The following LGSN variants were observed in gnomAD, a reference collection of about 807,000 sequenced individuals.
The protein encoded by LGSN is lengsin.
Under a neutral mutation model 19.5 loss-of-function variants are expected in LGSN, and 21 were observed. The ratio of observed to expected loss-of-function variants is 1.07; its 90% confidence interval spans 0.76 to 1.55. The LOEUF is 1.55. Among genes scored for constraint, LGSN ranks in the 40% most tolerant of loss-of-function variants. The pLI, the probability that LGSN is intolerant of heterozygous loss-of-function variation, is 0.00. For synonymous variants in LGSN, 257 were observed against 215.6 expected (o/e 1.19, Z -1.68); for missense variants, 673 against 608.5 (o/e 1.11, Z -1.12).
chr6:63,555,895 T>C, the LGSN span, among the ~76,000 whole-genome samples: 1 of 152,084 alleles, frequency 6.6e-6, no homozygotes, highest in East Asian at 1.9e-4. Flanking sequence ...GGTTTCGCTA[T>C]GTTGGCCAGG....
chr6:63,294,955 A>G lies in LGSN; in HGVS notation c.121T>C (p.Cys41Arg). The change falls in exon 2 of 4, where the codon TGT (cysteine) becomes CGT (arginine). Residue 41 changes from cysteine to arginine, a missense_variant. Physicochemically the swap from Cys to Arg is radical, Grantham distance 180. Transcript: ENST00000370657. ...TRKKVTKPYV[C>R]STEVGETDMS... Reference sequence around the variant, plus strand: ...TCCGTTTCTCCCACTTCAGTTGAACAAACATATGGTTTAGTGACTTTCTTC... The same window carrying G: ...TCCGTTTCTCCCACTTCAGTTGAACGAACATATGGTTTAGTGACTTTCTTC... The G allele has an allele frequency of 1.2e-6, 2 of 1,613,954 alleles. No homozygotes were observed. Among genetic ancestry groups the G allele is most frequent in the Non-Finnish European group, 8.5e-7 (1 of 1,179,906 alleles).
the LGSN span, chr6:63,572,104 C>T: frequency 6.6e-6 from 1 of 152,296 alleles, no homozygotes; most frequent in Admixed American, 6.5e-5. Context: ...TTCAGGCAAA[C>T]TTCGAGTCTC....
chr6:63,542,064 T>C, the LGSN span, among the ~76,000 whole-genome samples: 1 of 147,184 alleles, frequency 6.8e-6, no homozygotes, highest in Non-Finnish European at 1.5e-5. Flanking sequence ...TGTGTGTGTA[T>C]ACATACACAA....
At chr6:63,362,951 G>A in the LGSN span, among the ~76,000 whole-genome samples, 4 of 152,144 alleles carry the variant, frequency 2.6e-5, no homozygotes, top group African/African-American at 9.7e-5. Flanking sequence ...TCCCAGTAGG[G>A]GCCGACTGAC....
chr6:63,487,874 G>C, the LGSN span, among the ~76,000 whole-genome samples: 3 of 152,000 alleles, frequency 2.0e-5, no homozygotes, highest in Non-Finnish European at 2.9e-5. Flanking sequence ...CCAGCTACTT[G>C]GGAGGCTGAG....
At chr6:63,397,593 A>G in the LGSN span, among the ~76,000 whole-genome samples, 3 of 152,270 alleles carry the variant, frequency 2.0e-5, no homozygotes, top group Non-Finnish European at 4.4e-5. Flanking sequence ...AATGGAAAAT[A>G]AAAGTGGGAA....
the LGSN span, among the ~76,000 whole-genome samples, chr6:63,550,838 C>G: frequency 6.6e-6 from 1 of 152,240 alleles, no homozygotes; most frequent in South Asian, 2.1e-4. Context: ...GTTGGCCAGG[C>G]CAGTCTCAAA....
At chr6:63,475,118 T>A in the LGSN span, among the ~76,000 whole-genome samples, 3 of 152,080 alleles carry the variant, frequency 2.0e-5, no homozygotes, top group Non-Finnish European at 4.4e-5. Context: ...GTGTAAGAAC[T>A]GAGGTATCAA....
chr6:63,497,612 G>T, the LGSN span, among the ~76,000 whole-genome samples: 257 of 152,112 alleles, frequency 1.7e-3, no homozygotes, highest in Non-Finnish European at 2.6e-3. Flanking sequence ...CTAAGAGAAA[G>T]TTGGCATAGG....
the LGSN span, among the ~76,000 whole-genome samples, chr6:63,462,845 C>T: frequency 2.6e-5 from 4 of 152,150 alleles, no homozygotes; most frequent in Non-Finnish European, 1.5e-5. Context: ...TAAACCGGAA[C>T]AGAATGCAGA....
the LGSN span, among the ~76,000 whole-genome samples, chr6:63,492,784 A>T: frequency 0.54 from 81,572 of 152,176 alleles, 23,696 homozygotes; most frequent in African/African-American, 0.77. Flanking sequence ...ACACAGGTGT[A>T]GGTGTAATGG....
chr6:63,362,654 T>C, the LGSN span, among the ~76,000 whole-genome samples: 1 of 151,934 alleles, frequency 6.6e-6, no homozygotes, highest in South Asian at 2.1e-4. Context: ...GGGGGAGGGG[T>C]ATCCACCATT....
the LGSN span, among the ~76,000 whole-genome samples, chr6:63,514,489 A>T: frequency 2.0e-5 from 3 of 152,062 alleles, no homozygotes; most frequent in Non-Finnish European, 4.4e-5. Context: ...GGCCTCCCGA[A>T]GTGCTGGAAT....
chr6:63,310,950 C>G (rs1180333890), intron 1 of LGSN, among the ~76,000 whole-genome samples: 2 of 152,188 alleles, frequency 1.3e-5, no homozygotes. Flanking sequence ...AAACACTTTC[C>G]TAATAAGTAG....
At chr6:63,511,033 G>C in the LGSN span, among the ~76,000 whole-genome samples, 1 of 151,976 alleles carries the variant, frequency 6.6e-6, no homozygotes, top group Non-Finnish European at 1.5e-5. Context: ...GCAATAAAAT[G>C]TGCTTGGTAG....
the LGSN span, among the ~76,000 whole-genome samples, chr6:63,452,229 T>C: frequency 6.6e-6 from 1 of 152,134 alleles, no homozygotes; most frequent in African/African-American, 2.4e-5. Context: ...GTTTTCTTTG[T>C]TGGTTTTTCG....
intron 1 of LGSN, among the ~76,000 whole-genome samples, chr6:63,317,816 T>C (rs1186454477): frequency 6.6e-6 from 1 of 152,196 alleles, no homozygotes; most frequent in East Asian, 1.9e-4. Flanking sequence ...ATTCATTCCT[T>C]CTGTGATATG....
rs1450754252 is a variant in LGSN, at chr6:63,285,742, C to G, written c.175G>C (p.Asp59His). ...GGTGGGGTCAAAATTTGACTGCTGT[C>G]CCTCATGCAATCTGCAAAATAAAAA... ...DMSNSNDCMR[D>H]SSQILTPPQL... The change falls in exon 3 of 4, where the codon GAC (aspartate) becomes CAC (histidine). Residue 59 changes from aspartate to histidine, a missense_variant. Transcript: ENST00000370657. The G allele has an allele frequency of 9.3e-6, 15 of 1,613,696 alleles. No homozygotes were observed. The highest frequency in any genetic ancestry group is 1.2e-5 in the Non-Finnish European group (14 of 1,179,866).
chr6:63,405,966 A>G, the LGSN span, among the ~76,000 whole-genome samples: 2 of 152,238 alleles, frequency 1.3e-5, no homozygotes, highest in Admixed American at 1.3e-4. Context: ...CAATTCAACA[A>G]GAAGAGCTAA....
Sources: gnomAD v4.1 joint callset for allele counts (sites outside exome capture counted in the v4.1 genomes callset) on GRCh38, gnomAD v4.1.1 for gene constraint, MANE v1.5 for transcripts, NCBI Gene and HGNC (gene_info 2026-07-23, HGNC 2026-07-21) for gene names.